Variants in ADAMTS6 observed in about 807,000 individuals in gnomAD.
ADAMTS6 encodes the protein ADAM metallopeptidase with thrombospondin type 1 motif 6, also known as A disintegrin and metalloproteinase with thrombospondin motifs 6.
Under a neutral mutation model 144.3 loss-of-function variants are expected in ADAMTS6, and 23 were observed. The ratio of observed to expected loss-of-function variants is 0.16; its 90% CI spans 0.11 to 0.23. The LOEUF is 0.23. Ranked by LOEUF, ADAMTS6 falls within the 10% of genes least tolerant of loss-of-function variation. The probability of loss-of-function intolerance (pLI) is 1.00; values close to 1 mark genes in which losing one functional copy is unlikely to be tolerated. For missense variants in ADAMTS6, 999 were observed against 1,379.6 expected (o/e 0.72, Z 4.37); for synonymous variants, 444 against 457.5 (o/e 0.97, Z 0.38).
At chr5:65,273,284 C>T in intron 12 of ADAMTS6, 56 bp downstream of exon 12, 1 of 1,450,360 alleles carries the variant, frequency 6.9e-7, no homozygotes, top group South Asian at 1.2e-5. Context: ...ATATCAGTAC[C>T]AGCAATTTAT....
chr5:65,460,161 C>G lies in ADAMTS6; in HGVS notation c.631+9G>C. ...CAATACGCTTTGTAAAAGCTGCACACTCACTCACCCGAAACCCCACAATGA... is the reference window on the plus strand; with the variant it reads ...CAATACGCTTTGTAAAAGCTGCACAGTCACTCACCCGAAACCCCACAATGA... On this transcript the variant is annotated intron_variant, in intron 4 of 24. Coordinates refer to ENST00000381055, the MANE Select transcript of ADAMTS6 (RefSeq NM_197941.4). 6.2e-7 allele frequency: 1 copy of G among 1,613,458 alleles called. No homozygotes were observed. Among genetic ancestry groups the G allele is most frequent in the Non-Finnish European group, 8.5e-7 (1 of 1,179,732 alleles).
At chr5:65,376,382 T>A (rs994185233) in intron 7 of ADAMTS6, among the ~76,000 whole-genome samples, 13 of 151,152 alleles carry the variant, frequency 8.6e-5, no homozygotes, top group Non-Finnish European at 1.2e-4. Context: ...ACCCAGGAGG[T>A]GGAGGTTGCA....
chr5:65,228,581 C>T (rs1322020482), intron 15 of ADAMTS6, among the ~76,000 whole-genome samples: 1 of 151,568 alleles, frequency 6.6e-6, no homozygotes, highest in Non-Finnish European at 1.5e-5. Context: ...TCCAGCATGC[C>T]ATTGGAGAAA....
At chr5:65,331,817 T>C (rs1746743328) in intron 8 of ADAMTS6, among the ~76,000 whole-genome samples, 1 of 151,964 alleles carries the variant, frequency 6.6e-6, no homozygotes, top group African/African-American at 2.4e-5. Context: ...TAATATATTT[T>C]CCATAGATGA....
intron 7 of ADAMTS6, among the ~76,000 whole-genome samples, chr5:65,437,098 A>T (rs1333637734): frequency 1.4e-5 from 2 of 141,430 alleles, no homozygotes; most frequent in Non-Finnish European, 3.1e-5. Flanking sequence ...GGAAACTCCC[A>T]TTTTTTTTTT....
intron 9 of ADAMTS6, among the ~76,000 whole-genome samples, chr5:65,300,561 G>T (rs2112799058): frequency 6.6e-6 from 1 of 152,138 alleles, no homozygotes; most frequent in East Asian, 1.9e-4. Flanking sequence ...ATCCAAAAGA[G>T]AACTACAAGA....
chr5:65,378,096 G>A (rs548846244), intron 7 of ADAMTS6, among the ~76,000 whole-genome samples: 1 of 152,182 alleles, frequency 6.6e-6, no homozygotes, highest in East Asian at 1.9e-4. Context: ...ACTTACATCT[G>A]CAAGACCCTA....
At chr5:65,244,663 C>T (rs984687714) in intron 14 of ADAMTS6, among the ~76,000 whole-genome samples, 3 of 152,114 alleles carry the variant, frequency 2.0e-5, no homozygotes, top group African/African-American at 4.8e-5. Flanking sequence ...TCTCAACACT[C>T]TTTTGAGGTA....
At chr5:65,337,615 T>C (rs532667678) in intron 7 of ADAMTS6, among the ~76,000 whole-genome samples, 5 of 152,162 alleles carry the variant, frequency 3.3e-5, no homozygotes, top group African/African-American at 1.2e-4. Context: ...AGTTCCTCGA[T>C]ATAACTCTCA....
At chr5:65,332,308 T>G (rs746297096) in intron 8 of ADAMTS6, among the ~76,000 whole-genome samples, 5,818 of 109,084 alleles carry the variant, frequency 0.053, 253 homozygotes, top group African/African-American at 0.13. Context: ...TATATATATA[T>G]ATATAGAGAG....
chr5:65,250,082 TTA>T (rs1056447016), intron 14 of ADAMTS6, among the ~76,000 whole-genome samples: 2 of 152,218 alleles, frequency 1.3e-5, no homozygotes, highest in African/African-American at 4.8e-5. Flanking sequence ...TTGCTAAGCT[TTA>T]GTTTCCTCTT....
At chr5:65,250,046 T>A (rs975470486) in intron 14 of ADAMTS6, among the ~76,000 whole-genome samples, 2 of 152,224 alleles carry the variant, frequency 1.3e-5, no homozygotes, top group Non-Finnish European at 2.9e-5. Flanking sequence ...CATGCTTTAC[T>A]GGATCTCTTT....
intron 8 of ADAMTS6, among the ~76,000 whole-genome samples, chr5:65,331,740 G>A (rs1746732623): frequency 6.6e-6 from 1 of 151,756 alleles, no homozygotes; most frequent in Admixed American, 6.6e-5. Flanking sequence ...GGAAAAATCA[G>A]TATAAAAACC....
At chr5:65,333,132 A>C (rs1746938641) in intron 8 of ADAMTS6, among the ~76,000 whole-genome samples, 1 of 152,148 alleles carries the variant, frequency 6.6e-6, no homozygotes, top group Admixed American at 6.6e-5. Context: ...TGTTTTACAG[A>C]TAAGAAAATT....
At chr5:65,460,684 A>C (rs933065682) in intron 3 of ADAMTS6, among the ~76,000 whole-genome samples, 1 of 152,174 alleles carries the variant, frequency 6.6e-6, no homozygotes, top group African/African-American at 2.4e-5. Flanking sequence ...CTCTGTGTTT[A>C]GATATAGCTT....
chr5:65,291,541 G>A (rs890110687), intron 10 of ADAMTS6, 71 bp from the exon 11 acceptor site: 10 of 1,446,484 alleles, frequency 6.9e-6, no homozygotes, highest in East Asian at 2.5e-5. Context: ...ATGAAACCAC[G>A]TGTTGAGCTT....
intron 12 of ADAMTS6, among the ~76,000 whole-genome samples, chr5:65,267,096 A>C (rs909604050): frequency 6.7e-6 from 1 of 148,794 alleles, no homozygotes; most frequent in Non-Finnish European, 1.5e-5. Flanking sequence ...CATAATAATG[A>C]GATTCTGAGT....
intron 15 of ADAMTS6, among the ~76,000 whole-genome samples, chr5:65,240,138 T>C (rs1458393628): frequency 6.6e-6 from 1 of 152,080 alleles, no homozygotes; most frequent in Non-Finnish European, 1.5e-5. Context: ...CTGGTTATTA[T>C]GATGGAATAC....
At chr5:65,281,211 G>A (rs1359028321) in intron 11 of ADAMTS6, among the ~76,000 whole-genome samples, 6 of 152,024 alleles carry the variant, frequency 3.9e-5, no homozygotes, top group Admixed American at 1.3e-4. Flanking sequence ...AGCTCTGTTC[G>A]ATATCAATGT....
Sources: gnomAD v4.1 joint callset for allele counts (sites outside exome capture counted in the v4.1 genomes callset) on GRCh38, gnomAD v4.1.1 for gene constraint, MANE v1.5 for transcripts, NCBI Gene and HGNC (gene_info 2026-07-23, HGNC 2026-07-21) for gene names.